The following ABCB6 variants were observed in gnomAD, a reference collection of about 807,000 sequenced individuals.
ABCB6 encodes ATP binding cassette subfamily B member 6 (LAN blood group), also known as ATP-binding cassette sub-family B member 6.
Under a neutral mutation model 99.4 loss-of-function variants are expected in ABCB6, and 87 were observed. That is an observed-to-expected ratio of 0.88 (90% CI 0.74 to 1.05). The LOEUF (loss-of-function observed/expected upper bound fraction) is 1.05, where lower values mean the gene tolerates loss of function less well. ABCB6 is among the 50% of genes least tolerant of loss of function. The probability of loss-of-function intolerance (pLI) is 0.00; values close to 1 mark genes in which losing one functional copy is unlikely to be tolerated. For missense variants in ABCB6, 1,050 were observed against 1,097.9 expected (o/e 0.96, Z 0.62); for synonymous variants, 482 against 447.5 (o/e 1.08, Z -0.97).
chr2:219,214,477 T>G lies in ABCB6; in HGVS notation c.1298A>C (p.Glu433Ala), dbSNP rs1246658714. 1 of 1,613,818 alleles carries G rather than the reference T, an allele frequency of 6.2e-7. No homozygotes were observed. Among genetic ancestry groups the G allele is most frequent in the Admixed American group, 1.7e-5 (1 of 60,004 alleles). The change falls in exon 7 of 19, where the codon GAG (glutamate) becomes GCG (alanine). Residue 433 changes from glutamate to alanine, a missense_variant. Coordinates refer to ENST00000265316, the MANE Select transcript of ABCB6 (RefSeq NM_005689.4). ...LYLTLTIVVTEWRTKFRRAMN... is the reference protein window; with the variant it reads ...LYLTLTIVVTAWRTKFRRAMN... ...AGCACGACGAAACTTGGTTCTCCAC[T>G]CAGTGACCACAATGGTCAGGGCTGG...
intron 1 of ABCB6, 48 bp from the exon 2 acceptor site, chr2:219,217,855 A>G (rs112153286): frequency 1.9e-6 from 3 of 1,576,030 alleles, no homozygotes; most frequent in Admixed American, 1.8e-5. Flanking sequence ...ATAAAATTTC[A>G]TTGTATTACT....
chr2:219,210,441 G>A lies in ABCB6; in HGVS notation c.2291C>T (p.Ala764Val). 3 of 1,614,212 alleles carry A rather than the reference G, an allele frequency of 1.9e-6. No homozygotes were observed. Among genetic ancestry groups the A allele is most frequent in the Non-Finnish European group, 2.5e-6 (3 of 1,180,042 alleles). The stretch of plus-strand genomic sequence containing the variant: ...GACTTTGGCCAGAGAAGCCTGGATG[G>A]CCCTCTCATTAGATGTATCCAGCGC... ...TSALDTSNER[A>V]IQASLAKVCA... The change falls in exon 17 of 19, where the codon GCC (alanine) becomes GTC (valine). Residue 764 changes from alanine to valine, a missense_variant. Transcript: ENST00000265316.
In ABCB6 at chr2:219,211,490, T is replaced by G. The variant is rs529232858; in HGVS notation, c.1969-382A>C. Among the ~76,000 whole-genome samples, 8 of 152,154 alleles carry G rather than the reference T, an allele frequency of 5.3e-5. No homozygotes were observed. The South Asian group carries it at 1.7e-3, about 32-fold the overall frequency. On this transcript the variant is annotated intron_variant, in intron 14 of 18. Coordinates refer to ENST00000265316, the MANE Select transcript of ABCB6 (RefSeq NM_005689.4). ...GCTAATTTTTAATTTTTTGTTGAGA[T>G]GGGGTTGCCAGGTATGTTGCCCAGG...
intron 5 of ABCB6, chr2:219,215,458 C>G (rs957059961): frequency 9.2e-5 from 19 of 205,630 alleles, no homozygotes; most frequent in Non-Finnish European, 4.0e-5. Flanking sequence ...AAAGCAGAAC[C>G]CAGCTGGGCA....
chr2:219,210,658 A>C (rs1375917420), intron 16 of ABCB6, 53 bp downstream of exon 16: 1 of 1,609,878 alleles, frequency 6.2e-7, no homozygotes, highest in African/African-American at 1.3e-5. Flanking sequence ...GCCCAGGAGG[A>C]ACGGCTTGAG....
intron 1 of ABCB6, 129 bp from the exon 2 acceptor site, chr2:219,217,936 A>AT (rs1950665879): frequency 7.6e-7 from 1 of 1,314,728 alleles, no homozygotes; most frequent in Non-Finnish European, 1.0e-6. Flanking sequence ...AAAAAAAAAA[A>AT]GCAAAACCAC....
rs1279539372 is a variant in ABCB6 at position 219,210,053 on chromosome 2, T to C, written c.2421-7A>G. 1.2e-6 allele frequency: 2 copies of C among 1,613,336 alleles called. No individual in the cohort carries two copies. The highest frequency in any genetic ancestry group is 1.1e-5 in the South Asian group (1 of 91,038). On this transcript the variant is annotated splice_region_variant and splice_polypyrimidine_tract_variant and intron_variant, in intron 18 of 18. Coordinates refer to ENST00000265316, the MANE Select transcript of ABCB6 (RefSeq NM_005689.4). ...GGACAACAGAGCCTCGTGTCTGGGG[T>C]GAGGAGAAAAGTGTGAGTCCTAACC...
At chr2:219,214,077 G>C in intron 8 of ABCB6, 44 bp downstream of exon 8, 7 of 1,613,064 alleles carry the variant, frequency 4.3e-6, no homozygotes, top group Non-Finnish European at 5.9e-6. Flanking sequence ...AATTCTACCA[G>C]GCCAGGGCAT....
chr2:219,213,750 G>C, intron 9 of ABCB6, 76 bp downstream of exon 9: 1 of 1,613,676 alleles, frequency 6.2e-7, no homozygotes, highest in Non-Finnish European at 8.5e-7. Context: ...TCCTACCGAA[G>C]AGCCTGGTGA....
Position 219,216,719 on chromosome 2 carries a change from G to T in ABCB6, c.801C>A (p.Ile267=), listed in dbSNP as rs888613812. Residue 267 remains isoleucine (I), a synonymous_variant, in exon 3 of 19, where the codon ATC becomes ATA. Coordinates refer to ENST00000265316, the MANE Select transcript of ABCB6 (RefSeq NM_005689.4). This position sits in a 1 kb window ranked among gnomAD's most constrained non-coding sequence, Gnocchi z 4.2. ...GSPALQLVVL[I]CLGLMGLERA... ...GTTCCAAACCCATGAGCCCCAGGCAGATGAGCACCACCAGCTGCAGAGCTG... is the reference window on the plus strand; with the variant it reads ...GTTCCAAACCCATGAGCCCCAGGCATATGAGCACCACCAGCTGCAGAGCTG... 1.2e-6 allele frequency: 2 copies of T among 1,603,620 alleles called. No individual in the cohort carries two copies. The highest frequency in any genetic ancestry group is 1.3e-5 in the African/African-American group (1 of 74,712).
intron 14 of ABCB6, among the ~76,000 whole-genome samples, chr2:219,211,456 C>G (rs1950578013): frequency 6.6e-6 from 1 of 151,972 alleles, no homozygotes; most frequent in Non-Finnish European, 1.5e-5. Flanking sequence ...GTGCTTGAGA[C>G]TACGTCAAGC....
intron 14 of ABCB6, among the ~76,000 whole-genome samples, chr2:219,211,622 T>TTTTTTTTTTTTTTTTTG (rs1950580077): frequency 2.0e-3 from 1 of 492 alleles, no homozygotes; most frequent in Admixed American, 0.1. Context: ...TCGTTGTACC[T>TTTTTTTTTTTTTTTTTG]TTTTTTTTTT....
chr2:219,218,476 G>C lies in ABCB6; in HGVS notation c.198C>G (p.Ala66=). The change falls in exon 1 of 19, where the codon GCC becomes GCG. Residue 66 remains alanine, a synonymous_variant. Transcript: ENST00000265316. ...GCACGTAGGGAGAGATGCGAGGGCC[G>C]GCCCCCCAAGACAGCGAATCAGCAC... is the stretch of plus-strand genomic sequence containing the variant. The part of the protein sequence containing the change: ...PAGADSLSWG[A]GPRISPYVLQ... 1 of 1,607,378 alleles carries C rather than the reference G, an allele frequency of 6.2e-7. No individual in the cohort carries two copies. The highest frequency in any genetic ancestry group is 8.5e-7 in the Non-Finnish European group (1 of 1,177,496).
rs201931275 is a variant in ABCB6 at position 219,213,336 on chromosome 2, C to T, written c.1720-10G>A. 1.4e-5 allele frequency: 23 copies of T among 1,614,042 alleles called. No individual in the cohort carries two copies. In the African/African-American group the frequency reaches 2.3e-4, roughly 16 times the overall value. ...CAGGAAGGTCCTTCACCTGGAAGGG[C>T]ACCACCCATGTGTGCTGAGGTTCTC... On this transcript the variant is annotated splice_polypyrimidine_tract_variant and intron_variant, in intron 11 of 18. Transcript: ENST00000265316.
rs759996497 is a variant in ABCB6 at position 219,218,584 on chromosome 2, C to A, written c.90G>T (p.Thr30=). The change falls in exon 1 of 19, where the codon ACG becomes ACT. Residue 30 remains threonine (T), a synonymous_variant. Coordinates refer to ENST00000265316, the MANE Select transcript of ABCB6 (RefSeq NM_005689.4). Reference sequence around the variant, plus strand: ...GAGCCATCCGCGTCGAGGGCACGAGCGTGAAGAAGAAGCAGGGACTCAGGC... The same window carrying A: ...GAGCCATCCGCGTCGAGGGCACGAGAGTGAAGAAGAAGCAGGGACTCAGGC... The part of the protein sequence containing the change: ...QDGLSPCFFF[T]LVPSTRMALG... The A allele has an allele frequency of 6.8e-6, 11 of 1,612,518 alleles. No individual in the cohort carries two copies. Among genetic ancestry groups the A allele is most frequent in the Admixed American group, 5.0e-5 (3 of 59,992 alleles).
rs1950559941 is a variant in ABCB6, at chr2:219,210,296, A to C, written c.2354T>G (p.Leu785Arg). ...NRTTIVVAHRLSTVVNADQIL... is the reference protein window; with the variant it reads ...NRTTIVVAHRRSTVVNADQIL... ...CTGGTCAGCATTGACCACAGTTGAG[A>C]GCCTGAGAAGTCAAAGATCAGTCGC... Residue 785 changes from leucine to arginine, a missense_variant and splice_region_variant, in exon 18 of 19, where the codon CTC (leucine) becomes CGC (arginine). Transcript: ENST00000265316. 1 of 1,614,066 alleles carries C rather than the reference A, an allele frequency of 6.2e-7. No homozygotes were observed. The highest frequency in any genetic ancestry group is 8.5e-7 in the Non-Finnish European group (1 of 1,180,046).
At chr2:219,214,557 A>G in intron 6 of ABCB6, 59 bp from the exon 7 acceptor site, 1 of 1,260,800 alleles carries the variant, frequency 7.9e-7, no homozygotes, top group Non-Finnish European at 1.2e-6. Flanking sequence ...CAGAGACCAA[A>G]TGTCAATGTC....
intron 17 of ABCB6, 33 bp from the exon 18 acceptor site, chr2:219,210,331 C>G (rs371352834): frequency 3.2e-4 from 511 of 1,614,194 alleles, no homozygotes; most frequent in Non-Finnish European, 4.1e-4. Context: ...CCTACTACCC[C>G]ACCCAAAGCG....
Position 219,209,987 on chromosome 2 carries a change from C to T in ABCB6, c.2480G>A (p.Gly827Glu). Residue 827 changes from glycine (G) to glutamate (E), a missense_variant, in exon 19 of 19, where the codon GGA becomes GAA. By Grantham distance (98) the Gly-to-Glu change is moderately conservative. Transcript: ENST00000265316. Reference sequence around the variant, plus strand: ...AGTGTCTTCAGAGGTTTCTTCCTGTCCCTGCTGCAGCTGCCACATGTCAGC... The same window carrying T: ...AGTGTCTTCAGAGGTTTCTTCCTGTTCCTGCTGCAGCTGCCACATGTCAGC... ...VYADMWQLQQ[G>E]QEETSEDTKP... is the part of the protein sequence containing the mutation. 1 of 1,614,220 alleles carries T rather than the reference C, an allele frequency of 6.2e-7. No homozygotes were observed. The highest frequency in any genetic ancestry group is 8.5e-7 in the Non-Finnish European group (1 of 1,180,050).
Sources: allele counts gnomAD v4.1 joint callset (sites outside exome capture counted in the v4.1 genomes callset), GRCh38; gene constraint gnomAD v4.1.1; non-coding constraint Gnocchi (gnomAD v3.1); transcripts MANE v1.5; gene names NCBI Gene and HGNC (gene_info 2026-07-23, HGNC 2026-07-21).